SLTM: variants seen among roughly 807,000 people sequenced by gnomAD.
SLTM encodes SAFB-like transcription modulator.
In SLTM, 43 loss-of-function variants were observed where a neutral mutation model predicts 134.6. The ratio of observed to expected loss-of-function variants is 0.32; its 90% CI spans 0.25 to 0.41. The LOEUF is 0.41. Among genes scored for constraint, SLTM ranks in the 10% least tolerant of loss-of-function variants. The probability of loss-of-function intolerance (pLI) is 1.00; values close to 1 mark genes in which losing one functional copy is unlikely to be tolerated. For synonymous variants in SLTM, 424 were observed against 432.3 expected, an observed-to-expected ratio of 0.98 and a Z score of 0.24; for missense variants, 1,055 against 1,288.8, an observed-to-expected ratio of 0.82 and a Z score of 2.78.
At chr15:58,891,088 C>A (rs902842735) in intron 14 of SLTM, among the ~76,000 whole-genome samples, 1 of 152,128 alleles carries the variant, frequency 6.6e-6, no homozygotes, top group Non-Finnish European at 1.5e-5. Flanking sequence ...TATTTTCTTA[C>A]TGTAAGGTAG....
In SLTM at chr15:58,880,073, T is replaced by C; in HGVS notation, c.3031A>G (p.Ser1011Gly). 6.2e-7 allele frequency: 1 copy of C among 1,614,158 alleles called. No homozygotes were observed. The highest frequency in any genetic ancestry group is 8.5e-7 in the Non-Finnish European group (1 of 1,180,006). Residue 1011 changes from serine (S) to glycine (G), a missense_variant, in exon 21 of 21, where the codon AGT becomes GGT. Physicochemically the swap from Ser to Gly is moderately conservative, Grantham distance 56. Coordinates refer to ENST00000380516, the MANE Select transcript of SLTM (RefSeq NM_024755.4). ...CTTCCTCTTGGCATGGAATTGCCACTGATTTGTACAATTCTATTAATTGGG... is the reference window on the plus strand; with the variant it reads ...CTTCCTCTTGGCATGGAATTGCCACCGATTTGTACAATTCTATTAATTGGG... The part of the protein sequence containing the change: ...ASPINRIVQI[S>G]GNSMPRGSGS...
Position 58,892,916 on chromosome 15 carries a change from G to T in SLTM, c.1879C>A (p.Arg627=), listed in dbSNP as rs773097789. The change falls in exon 14 of 21, where the codon CGA becomes AGA. Residue 627 remains arginine, a synonymous_variant. Coordinates refer to ENST00000380516, the MANE Select transcript of SLTM (RefSeq NM_024755.4). The stretch of plus-strand genomic sequence containing the variant: ...TCCTACCTTCGAAGTTCCATTGCTC[G>T]TCGCAGCCTTTCAAAACGAACTAAA... ...EHLVRFERLR[R]AMELRRRREI... 9 of 1,613,018 alleles carry T rather than the reference G, an allele frequency of 5.6e-6. No homozygotes were observed. The highest frequency in any genetic ancestry group is 6.8e-6 in the Non-Finnish European group (8 of 1,179,714).
intron 16 of SLTM, chr15:58,888,850 G>A: frequency 4.1e-6 from 1 of 242,762 alleles, no homozygotes. Context: ...AAATGGAAAA[G>A]ACAAATAAAA....
chr15:58,896,232 C>A (rs1007521428), intron 9 of SLTM, among the ~76,000 whole-genome samples: 1 of 152,082 alleles, frequency 6.6e-6, no homozygotes, highest in East Asian at 1.9e-4. Flanking sequence ...GTGTACTTTT[C>A]CTTCACAAGA....
chr15:58,898,931 A>G (rs1595868992), intron 7 of SLTM, 79 bp from the exon 8 acceptor site: 1 of 1,065,428 alleles, frequency 9.4e-7, no homozygotes, highest in Admixed American at 2.1e-5. Flanking sequence ...GATATTTACT[A>G]TATTTCAAAC....
intron 5 of SLTM, among the ~76,000 whole-genome samples, chr15:58,906,097 A>G (rs186148729): frequency 5.0e-4 from 76 of 152,344 alleles, no homozygotes; most frequent in African/African-American, 1.6e-3. Context: ...GTCCTAAATA[A>G]GAATCCAAAA....
chr15:58,904,295 G>C (rs2035708597), intron 5 of SLTM, among the ~76,000 whole-genome samples: 2 of 152,060 alleles, frequency 1.3e-5, no homozygotes, highest in Non-Finnish European at 2.9e-5. Flanking sequence ...ACAGGCATGA[G>C]CTGCCACGCC....
chr15:58,883,343 G>T (rs1366549009), intron 20 of SLTM: 2 of 297,386 alleles, frequency 6.7e-6, no homozygotes, highest in East Asian at 6.4e-5. Flanking sequence ...CAAAACAAAA[G>T]AATTCATTGT....
rs924758077 is a variant in SLTM, at chr15:58,880,136, C to A, written c.2997-29G>T. The A allele has an allele frequency of 7.5e-6, 12 of 1,606,356 alleles. No individual in the cohort carries two copies. The highest frequency in any genetic ancestry group is 1.0e-5 in the Non-Finnish European group (12 of 1,175,786). On this transcript the variant is annotated intron_variant, in intron 20 of 20. Transcript: ENST00000380516. The stretch of plus-strand genomic sequence containing the variant: ...AAAAAGGTTTAAAAGAAAAAAACAT[C>A]AGAGAACAAAGAACAAATCATCACT...
At chr15:58,900,058 G>GAAAA in intron 6 of SLTM, 121 bp from the exon 7 acceptor site, 5 of 516,182 alleles carry the variant, frequency 9.7e-6, no homozygotes, top group East Asian at 3.2e-5. Flanking sequence ...GGAAGTTAGG[G>GAAAA]AAAAAAAAAA....
In SLTM at chr15:58,889,513, C is replaced by G. The variant is rs148316706; in HGVS notation, c.2121G>C (p.Glu707Asp). The G allele has an allele frequency of 1.9e-5, 31 of 1,613,956 alleles. No individual in the cohort carries two copies. In the African/African-American group the frequency reaches 3.6e-4, roughly 19 times the overall value. The change falls in exon 16 of 21, where the codon GAG becomes GAC. Residue 707 changes from glutamate (E) to aspartate (D), a missense_variant. Coordinates refer to ENST00000380516, the MANE Select transcript of SLTM (RefSeq NM_024755.4). ...GCTGCTGTTGTTGCCTTCTGAGTTC[C>G]TCTCTTTCTCGAGCAATCCGTTCAG... ...KEAERIARER[E>D]ELRRQQQQLR... is the part of the protein sequence containing the mutation.
intron 2 of SLTM, among the ~76,000 whole-genome samples, chr15:58,920,904 G>A (rs757741492): frequency 7.2e-5 from 11 of 152,022 alleles, no homozygotes; most frequent in Non-Finnish European, 1.3e-4. Context: ...GCAGTGAGCC[G>A]AGATTGCACC....
At chr15:58,930,299 T>G (rs1349430639) in intron 2 of SLTM, among the ~76,000 whole-genome samples, 2 of 122,934 alleles carry the variant, frequency 1.6e-5, no homozygotes, top group African/African-American at 2.7e-5. Flanking sequence ...TTTTTTTTTT[T>G]TTGTATTTTT....
At position 58,933,661 on chromosome 15, in the gene SLTM, G is replaced by A. The variant is rs1014181067; in HGVS notation, c.-96C>T. 65 of 1,345,836 alleles carry A rather than the reference G, an allele frequency of 4.8e-5. No homozygotes were observed. Among genetic ancestry groups the A allele is most frequent in the Middle Eastern group, 5.6e-4 (2 of 3,580 alleles). The allele number at this position is 1,345,836 out of a possible 1,614,324, so 83.4% of individuals were successfully genotyped here. On this transcript the variant is annotated 5_prime_UTR_variant, in exon 1 of 21. Transcript: ENST00000380516. ...CCAGGCCTCGGCGGCCGCCGGCGCC[G>A]CGCAGCGCTGCGCACAATGAGCCGC...
chr15:58,901,007 T>C (rs1595874328), intron 6 of SLTM: 1 of 363,592 alleles, frequency 2.8e-6, no homozygotes, highest in Middle Eastern at 7.9e-4. Flanking sequence ...AAATTAAAAT[T>C]GGGTTAAATA....
chr15:58,880,600 G>T (rs944505020), intron 20 of SLTM, among the ~76,000 whole-genome samples: 2 of 152,046 alleles, frequency 1.3e-5, no homozygotes, highest in South Asian at 4.1e-4. Context: ...TCACTTCACC[G>T]AGGCTGGAGT....
At position 58,914,059 on chromosome 15, in the gene SLTM, C is replaced by T. The variant is rs945912586; in HGVS notation, c.316-363G>A. Among the ~76,000 whole-genome samples, 7 of 152,102 alleles carry T rather than the reference C, an allele frequency of 4.6e-5. No individual in the cohort carries two copies. The East Asian group carries it at 5.8e-4, about 13-fold the overall frequency. On this transcript the variant is annotated intron_variant, in intron 3 of 20. Coordinates refer to ENST00000380516, the MANE Select transcript of SLTM (RefSeq NM_024755.4). ...TATGTTGATTTAACTTCAAAGACTTCGGAAGTCTTATACATTAAAACAAAG... is the reference window on the plus strand; with the variant it reads ...TATGTTGATTTAACTTCAAAGACTTTGGAAGTCTTATACATTAAAACAAAG...
chr15:58,885,199 G>A (rs1198685493), intron 19 of SLTM, among the ~76,000 whole-genome samples: 2 of 152,122 alleles, frequency 1.3e-5, no homozygotes, highest in African/African-American at 4.8e-5. Context: ...AAACAGAGTA[G>A]CAAACACAAA....
In SLTM at chr15:58,913,514, C is replaced by T. The variant is rs1302938013; in HGVS notation, c.498G>A (p.Glu166=). 6.2e-7 allele frequency: 1 copy of T among 1,607,480 alleles called. No homozygotes were observed. Among genetic ancestry groups the T allele is most frequent in the Admixed American group, 1.7e-5 (1 of 59,692 alleles). ...EAEGIEDIEK[E]DIESQEIEAQ... is the part of the protein sequence containing the mutation. The stretch of plus-strand genomic sequence containing the variant: ...GGCTAAAGACCTGACTTTCGATGTC[C>T]TCTTTTTCTATATCTTCTATTCCTT... The change falls in exon 4 of 21, where the codon GAG becomes GAA. Residue 166 remains glutamate (E), a synonymous_variant. Coordinates refer to ENST00000380516, the MANE Select transcript of SLTM (RefSeq NM_024755.4).
Sources: gnomAD v4.1 joint callset for allele counts (sites outside exome capture counted in the v4.1 genomes callset) on GRCh38, gnomAD v4.1.1 for gene constraint, MANE v1.5 for transcripts, NCBI Gene and HGNC (gene_info 2026-07-23, HGNC 2026-07-21) for gene names.